The following SSX5 variants were observed in gnomAD, a reference collection of about 807,000 sequenced individuals.
SSX5 encodes the protein protein SSX5.
Under a neutral mutation model 14.9 loss-of-function variants are expected in SSX5, and 14 were observed. The ratio of observed to expected loss-of-function variants is 0.94; its 90% CI spans 0.62 to 1.47. The LOEUF is 1.47. Among genes scored for constraint, SSX5 ranks in the 40% most tolerant of loss-of-function variants. SSX5 has a pLI of 0.00. For synonymous variants in SSX5, 70 were observed against 55.4 expected (o/e 1.26, Z -1.17); for missense variants, 204 against 154.6 (o/e 1.32, Z -1.70).
At chrX:48,190,413 C>A (rs1419195931) in intron 5 of SSX5, 145 bp from the exon 6 acceptor site, 1 of 764,294 alleles carries the variant, frequency 1.3e-6, no homozygotes, top group South Asian at 3.9e-5. Context: ...TTAGGAGAAA[C>A]CTGGGAGGGG....
intron 6 of SSX5, 58 bp from the exon 7 acceptor site, chrX:48,187,789 A>T: frequency 1.7e-6 from 2 of 1,162,503 alleles, no homozygotes; most frequent in Middle Eastern, 6.7e-4. Context: ...GGTTGGGTTG[A>T]TTGGAGAGTG....
intron 5 of SSX5, among the ~76,000 whole-genome samples, chrX:48,190,819 G>T (rs1261349084): frequency 9.0e-6 from 1 of 111,316 alleles, no homozygotes; most frequent in Non-Finnish European, 1.9e-5. Context: ...GCCTACCGAG[G>T]CACCAACATT....
At chrX:48,191,909 C>T (rs782414139) in intron 5 of SSX5, among the ~76,000 whole-genome samples, 3 of 112,184 alleles carry the variant, frequency 2.7e-5, no homozygotes, top group South Asian at 7.4e-4. Flanking sequence ...TGTGCCAAGT[C>T]GCCTGCCTTT....
At chrX:48,188,440 G>T (rs2059407317) in intron 6 of SSX5, among the ~76,000 whole-genome samples, 1 of 111,872 alleles carries the variant, frequency 8.9e-6, no homozygotes, top group South Asian at 3.7e-4. Flanking sequence ...AGTTATTATT[G>T]ACTATAATCA....
In SSX5 at chrX:48,187,178, A is replaced by C. The variant is rs140000904; in HGVS notation, c.*5-322T>G. Among the ~76,000 whole-genome samples the C allele has an allele frequency of 2.5e-3, 277 of 111,896 alleles. 1 individual carries two copies. Among genetic ancestry groups the C allele is most frequent in the African/African-American group, 8.5e-3 (262 of 30,870 alleles). On this transcript the variant is annotated intron_variant, in intron 7 of 7. Transcript: ENST00000347757. Reference sequence around the variant, plus strand: ...GGGAGTAGAAAGAGCATGGTTAGGCAGGCGCAGAGGCTCACGCCTGTAGTC... The same window carrying C: ...GGGAGTAGAAAGAGCATGGTTAGGCCGGCGCAGAGGCTCACGCCTGTAGTC...
intron 4 of SSX5, 142 bp downstream of exon 4, chrX:48,193,987 A>G (rs1706129936): frequency 1.3e-5 from 9 of 671,020 alleles, no homozygotes; most frequent in Non-Finnish European, 1.8e-5. Context: ...TCTGTAGTTA[A>G]CTTTCTGCAT....
chrX:48,187,005 T>A, intron 7 of SSX5, 149 bp from the exon 8 acceptor site: 1 of 698,074 alleles, frequency 1.4e-6, no homozygotes, highest in Non-Finnish European at 2.2e-6. Context: ...TTCCTTGAAG[T>A]GAACCATCTG....
At chrX:48,192,329 A>G (rs782376978) in intron 4 of SSX5, 48 bp from the exon 5 acceptor site, 18 of 1,203,311 alleles carry the variant, frequency 1.5e-5, no homozygotes, top group Admixed American at 2.2e-5. Flanking sequence ...AAGATTTCCA[A>G]ACTCTAGAGA....
At chrX:48,188,363 C>T (rs1431758833) in intron 6 of SSX5, among the ~76,000 whole-genome samples, 1 of 112,339 alleles carries the variant, frequency 8.9e-6, no homozygotes, top group East Asian at 2.8e-4. Context: ...GATCTATCCC[C>T]TCAAACATTT....
rs147035705 is a variant in SSX5 at position 48,195,346 on chromosome X, C to G, written c.13G>C (p.Asp5His). MNGD[D>H]AFVRRPRVGS... ...ACCCTAGGTCTCCGTACAAAGGCAT[C>G]GTCTCCGTTCATGGCACCGGGAGCA... is the stretch of plus-strand genomic sequence containing the variant. Residue 5 changes from aspartate (D) to histidine (H), a missense_variant, in exon 2 of 8, where the codon GAT becomes CAT. By Grantham distance (81) the Asp-to-His change is moderately conservative. Transcript: ENST00000347757. 8.3e-7 allele frequency: 1 copy of G among 1,209,892 alleles called. No homozygotes were observed. Among genetic ancestry groups the G allele is most frequent in the Non-Finnish European group, 1.1e-6 (1 of 895,129 alleles).
At chrX:48,196,693 G>A (rs1431560316) in intron 1 of SSX5, 38 bp downstream of exon 1, 3 of 111,180 alleles carry the variant, frequency 2.7e-5, no homozygotes, top group Non-Finnish European at 5.6e-5. Context: ...GAGGGGAGGG[G>A]TAGGAAGAAT....
chrX:48,187,623 T>A lies in SSX5; in HGVS notation c.*4+4A>T, dbSNP rs2059403594. 4.1e-6 allele frequency: 5 copies of A among 1,205,481 alleles called. No homozygotes were observed. The highest frequency in any genetic ancestry group is 5.6e-6 in the Non-Finnish European group (5 of 892,522). ...TGTGGGAGATGAGCCAAAGGTTCAC[T>A]TACGGAGTTACTCGTCATCTTCCTG... On this transcript the variant is annotated splice_donor_region_variant and intron_variant, in intron 7 of 7. Coordinates refer to ENST00000347757, the MANE Select transcript of SSX5 (RefSeq NM_175723.2).
At chrX:48,191,723 C>T (rs1556924798) in intron 5 of SSX5, among the ~76,000 whole-genome samples, 3 of 112,291 alleles carry the variant, frequency 2.7e-5, no homozygotes. Flanking sequence ...TGGCTTGGAG[C>T]TCTGGATTAG....
intron 5 of SSX5, 91 bp downstream of exon 5, chrX:48,192,141 A>T: frequency 8.5e-7 from 1 of 1,177,979 alleles, no homozygotes; most frequent in South Asian, 1.8e-5. Flanking sequence ...GAAGGCAGTG[A>T]GGGCATTGTT....
intron 6 of SSX5, 26 bp downstream of exon 6, chrX:48,190,107 G>C: frequency 2.5e-6 from 3 of 1,208,316 alleles, no homozygotes; most frequent in Non-Finnish European, 3.4e-6. Flanking sequence ...AGCCAGAGTG[G>C]TTGTTCCCAA....
intron 5 of SSX5, 139 bp downstream of exon 5, chrX:48,192,093 C>G (rs1339367399): frequency 4.3e-5 from 43 of 995,682 alleles, no homozygotes; most frequent in Non-Finnish European, 6.0e-5. Context: ...AGCAAGCCGT[C>G]GGTGCTACAT....
chrX:48,190,412 A>G lies in SSX5; in HGVS notation c.331-144T>C, dbSNP rs111527014. 63 of 771,757 alleles carry G rather than the reference A, an allele frequency of 8.2e-5. No homozygotes were observed. The African/African-American group carries it at 1.2e-3, about 15-fold the overall frequency. 63.6% of individuals were successfully genotyped at this position (771,757 alleles called of 1,213,427 possible). The stretch of plus-strand genomic sequence containing the variant: ...GTTACACTTGCCTAAATTAGGAGAA[A>G]CCTGGGAGGGGAGGTTAGATGGGAA... On this transcript the variant is annotated intron_variant, in intron 5 of 7. Transcript: ENST00000347757.
At position 48,187,658 on chromosome X, in the gene SSX5, G is replaced by C; in HGVS notation, c.540C>G (p.Ile180Met). The C allele has an allele frequency of 1.7e-6, 2 of 1,209,811 alleles. No homozygotes were observed. Among genetic ancestry groups the C allele is most frequent in the Non-Finnish European group, 2.2e-6 (2 of 895,211 alleles). ...ACTCGTCATCTTCCTGAGGGTCGCT[G>C]ATCTCTTCATAAATCACCAGTTGCT... Reference protein sequence around the residue: ...ERKQLVIYEEISDPQEDDE With the variant: ...ERKQLVIYEEMSDPQEDDE Residue 180 changes from isoleucine (I) to methionine (M), a missense_variant, in exon 7 of 8, where the codon ATC (isoleucine) becomes ATG (methionine). By Grantham distance (10) the Ile-to-Met change is conservative. Transcript: ENST00000347757.
At chrX:48,193,063 C>T (rs782319986) in intron 4 of SSX5, among the ~76,000 whole-genome samples, 2 of 111,929 alleles carry the variant, frequency 1.8e-5, no homozygotes, top group South Asian at 3.8e-4. Flanking sequence ...AACTCACTCC[C>T]GAGCTCATCA....
Sources: gnomAD v4.1 joint callset for allele counts (sites outside exome capture counted in the v4.1 genomes callset) on GRCh38, gnomAD v4.1.1 for gene constraint, MANE v1.5 for transcripts, NCBI Gene and HGNC (gene_info 2026-07-23, HGNC 2026-07-21) for gene names.